DCUN1D2: variants seen among roughly 807,000 people sequenced by gnomAD.
DCUN1D2 encodes the protein DCN1-like protein 2.
A neutral mutation model predicts 30.9 loss-of-function variants in DCUN1D2; 29 were observed. That is an observed-to-expected ratio of 0.94 (90% confidence interval 0.70 to 1.28). The LOEUF (loss-of-function observed/expected upper bound fraction) is 1.28, where lower values mean the gene tolerates loss of function less well. DCUN1D2 is among the 50% of genes most tolerant of loss of function. DCUN1D2 has a pLI of 0.00. For missense variants in DCUN1D2, 325 were observed against 316.9 expected, an observed-to-expected ratio of 1.03 and a Z score of -0.19; for synonymous variants, 121 against 115.3, an observed-to-expected ratio of 1.05 and a Z score of -0.32.
At chr13:113,468,272 C>G (rs979029821) in intron 4 of DCUN1D2, among the ~76,000 whole-genome samples, 12 of 152,066 alleles carry the variant, frequency 7.9e-5, no homozygotes, top group Admixed American at 7.2e-4. Context: ...GCGGAATGAG[C>G]TGGTCACAAA....
intron 3 of DCUN1D2, among the ~76,000 whole-genome samples, chr13:113,476,667 C>T (rs943792718): frequency 2.0e-5 from 3 of 152,124 alleles, no homozygotes; most frequent in African/African-American, 7.2e-5. Flanking sequence ...TACACTCTAT[C>T]GGCATTTTTC....
At chr13:113,471,718 A>G (rs2044518789) in intron 4 of DCUN1D2, among the ~76,000 whole-genome samples, 1 of 152,250 alleles carries the variant, frequency 6.6e-6, no homozygotes, top group South Asian at 2.1e-4. Flanking sequence ...GTTTGACAAT[A>G]ACGATCTACG....
chr13:113,487,680 T>C (rs1040585359), intron 1 of DCUN1D2, among the ~76,000 whole-genome samples: 25 of 152,302 alleles, frequency 1.6e-4, no homozygotes, highest in African/African-American at 5.3e-4. Flanking sequence ...AGGTGAGTGG[T>C]AGCCAGGGGC....
intron 4 of DCUN1D2, among the ~76,000 whole-genome samples, chr13:113,467,660 A>T (rs1261764725): frequency 6.6e-6 from 1 of 151,816 alleles, no homozygotes; most frequent in Non-Finnish European, 1.5e-5. Flanking sequence ...CAGGAATGTA[A>T]AAAAAAATAT....
At chr13:113,481,076 T>C (rs1482297884) in intron 2 of DCUN1D2, among the ~76,000 whole-genome samples, 1 of 152,182 alleles carries the variant, frequency 6.6e-6, no homozygotes, top group Non-Finnish European at 1.5e-5. Flanking sequence ...GAAATTTAGC[T>C]CACCCAAAGG....
intron 1 of DCUN1D2, among the ~76,000 whole-genome samples, chr13:113,486,069 C>T (rs2044797530): frequency 1.3e-5 from 2 of 152,080 alleles, no homozygotes; most frequent in Admixed American, 1.3e-4. Flanking sequence ...CTATTACCCA[C>T]ACAAACAAGA....
chr13:113,490,636 C>A lies in DCUN1D2; in HGVS notation c.3+31G>T, dbSNP rs1479581183. ...TGGGGCCCGACCCCGACCCCGACCC[C>A]GACGGGCAGAGGCGACGCCGGGCCA... is the stretch of plus-strand genomic sequence containing the variant. On this transcript the variant is annotated intron_variant, in intron 1 of 6. Transcript: ENST00000478244. This position sits in a 1 kb window ranked among gnomAD's most constrained non-coding sequence, Gnocchi z 5.2. 1 of 1,232,378 alleles carries A rather than the reference C, an allele frequency of 8.1e-7. No individual in the cohort carries two copies. Among genetic ancestry groups the A allele is most frequent in the Non-Finnish European group, 1.0e-6 (1 of 988,392 alleles). The allele number at this position is 1,232,378 out of a possible 1,614,324, so 76.3% of individuals were successfully genotyped here.
chr13:113,460,252 A>G (rs112807571), intron 5 of DCUN1D2, among the ~76,000 whole-genome samples: 9 of 152,338 alleles, frequency 5.9e-5, no homozygotes, highest in African/African-American at 2.2e-4. Flanking sequence ...ATTCCCAGGC[A>G]AGGAAGCGGA....
intron 3 of DCUN1D2, chr13:113,475,265 C>A (rs1466214753): frequency 6.6e-6 from 1 of 152,208 alleles, no homozygotes; most frequent in Non-Finnish European, 1.5e-5. Flanking sequence ...CCTGCCACCT[C>A]GAGGCGTCAG....
At chr13:113,489,125 A>G (rs2044863162) in intron 1 of DCUN1D2, 2 of 985,290 alleles carry the variant, frequency 2.0e-6, no homozygotes. Context: ...GATCGAATAA[A>G]CTACGTAAGT....
intron 1 of DCUN1D2, among the ~76,000 whole-genome samples, chr13:113,486,775 G>C (rs1296023007): frequency 6.6e-6 from 1 of 152,184 alleles, no homozygotes; most frequent in East Asian, 1.9e-4. Context: ...ACAAGGGGAA[G>C]GTAGAACTCA....
chr13:113,468,976 G>C (rs1000092381), intron 4 of DCUN1D2: 1 of 152,510 alleles, frequency 6.6e-6, no homozygotes, highest in Non-Finnish European at 1.5e-5. Flanking sequence ...CCTGAAGTAG[G>C]CTGTGGCTGA....
rs1306959579 is a variant in DCUN1D2 at position 113,488,548 on chromosome 13, C to T, written c.3+2119G>A. On this transcript the variant is annotated intron_variant, in intron 1 of 6. Transcript: ENST00000478244. The surrounding 1 kb of genome is among the most constrained non-coding windows in gnomAD (Gnocchi z 4.3). ...ACAAAAAGGCTCGTCAACTAAAAAA[C>T]TACAGGGGAGAGAAGGAAGCCGAGT... Among the ~76,000 whole-genome samples, 11 of 152,210 alleles carry T rather than the reference C, an allele frequency of 7.2e-5. No individual in the cohort carries two copies. The highest frequency in any genetic ancestry group is 6.5e-4 in the Admixed American group (10 of 15,288).
At position 113,457,950 on chromosome 13, in the gene DCUN1D2, C is replaced by T. The variant is rs2044252205; in HGVS notation, c.*79G>A. 6 of 1,307,010 alleles carry T rather than the reference C, an allele frequency of 4.6e-6. No individual in the cohort carries two copies. The highest frequency in any genetic ancestry group is 1.5e-5 in the African/African-American group (1 of 68,956). 81.0% of individuals were successfully genotyped at this position (1,307,010 alleles called of 1,614,324 possible). On this transcript the variant is annotated 3_prime_UTR_variant, in exon 7 of 7. Transcript: ENST00000478244. ...CAAGAATGACTTCTGGAATCAGCGA[C>T]AATGCACCCAGGAACTGACTGCAAT... is the stretch of plus-strand genomic sequence containing the variant.
At chr13:113,458,357 G>A (rs904474812) in intron 6 of DCUN1D2, among the ~76,000 whole-genome samples, 3 of 152,224 alleles carry the variant, frequency 2.0e-5, no homozygotes, top group African/African-American at 7.2e-5. Context: ...GGCCCCGGAT[G>A]CTCGGTGAGT....
At chr13:113,475,560 G>A (rs548983648) in intron 3 of DCUN1D2, 4 of 152,400 alleles carry the variant, frequency 2.6e-5, no homozygotes, top group South Asian at 2.1e-4. Context: ...CTGTACTGCA[G>A]ATGAGGGTGA....
Position 113,459,390 on chromosome 13 carries a change from TTGA to T in DCUN1D2, c.619_621del (p.Ser207del), listed in dbSNP as rs747248356. 39 of 1,579,922 alleles carry T rather than the reference TTGA, an allele frequency of 2.5e-5. No homozygotes were observed. The East Asian group carries it at 8.5e-4, about 34-fold the overall frequency. On this transcript the variant is annotated inframe_deletion, in exon 6 of 7. Coordinates refer to ENST00000478244, the MANE Select transcript of DCUN1D2 (RefSeq NM_001014283.2). ...AGGAGGTTCCAGGTGTCCCTTGGAA[TTGA>T]TCTTTTGTGATGTTCCTAATATATG...
At chr13:113,484,179 C>A in intron 1 of DCUN1D2, 123 bp from the exon 2 acceptor site, 1 of 1,495,274 alleles carries the variant, frequency 6.7e-7, no homozygotes, top group South Asian at 1.3e-5. Context: ...TCATCAGTTA[C>A]AAAGACTGCA....
upstream of DCUN1D2, chr13:113,491,258 G>A (rs1349406296): frequency 6.6e-6 from 1 of 152,328 alleles, no homozygotes; most frequent in African/African-American, 2.4e-5. Context: ...GGGCGGGCGC[G>A]GATCCCTGCG....
Sources: allele counts gnomAD v4.1 joint callset (sites outside exome capture counted in the v4.1 genomes callset), GRCh38; gene constraint gnomAD v4.1.1; non-coding constraint Gnocchi (gnomAD v3.1); transcripts MANE v1.5; gene names NCBI Gene and HGNC (gene_info 2026-07-23, HGNC 2026-07-21).